ACAD11: variants seen among roughly 807,000 people sequenced by gnomAD.
ACAD11 encodes acyl-Coenzyme A dehydrogenase family, member 11.
In ACAD11, 83 loss-of-function variants were observed where a neutral mutation model predicts 102.2. The observed-to-expected ratio is 0.81, with a 90% CI of 0.68 to 0.97. ACAD11 has a LOEUF of 0.97. Among genes scored for constraint, ACAD11 ranks in the 50% least tolerant of loss-of-function variants. The pLI is 0.00. For missense variants in ACAD11, 901 were observed against 951.7 expected (o/e 0.95, Z 0.70); for synonymous variants, 324 against 319.8 (o/e 1.01, Z -0.14).
In ACAD11 at chr3:132,603,154, C is replaced by G. The variant is rs1411185075; in HGVS notation, c.1621+75G>C. The G allele has an allele frequency of 6.6e-6, 8 of 1,217,698 alleles. No homozygotes were observed. The Admixed American group carries it at 1.4e-4, about 21-fold the overall frequency. 75.4% of individuals were successfully genotyped at this position (1,217,698 alleles called of 1,614,324 possible). A position where few individuals can be genotyped will look rare whatever the true frequency, so the allele number is the denominator to read the frequency against. On this transcript the variant is annotated intron_variant, in intron 13 of 19. Coordinates refer to ENST00000264990, the MANE Select transcript of ACAD11 (RefSeq NM_032169.5). The stretch of plus-strand genomic sequence containing the variant: ...GATCATGAAACTGATCACTATGTAT[C>G]ATAGCAATATTCTAGCATAGCATCT...
At chr3:132,572,153 A>G (rs1231616302) in intron 17 of ACAD11, among the ~76,000 whole-genome samples, 1 of 152,212 alleles carries the variant, frequency 6.6e-6, no homozygotes, top group Non-Finnish European at 1.5e-5. Flanking sequence ...ACATTATTCT[A>G]TATCTAGAAA....
intron 1 of ACAD11, chr3:132,647,112 A>G (rs1259580600): frequency 1.3e-5 from 2 of 152,236 alleles, no homozygotes; most frequent in African/African-American, 4.8e-5. Context: ...AAAACAAACA[A>G]AAACAATTAA....
chr3:132,597,018 G>A (rs551587470), intron 13 of ACAD11, among the ~76,000 whole-genome samples: 1 of 152,154 alleles, frequency 6.6e-6, no homozygotes, highest in Non-Finnish European at 1.5e-5. Context: ...TCAGCAGTCA[G>A]TAGCTCAGCT....
At chr3:132,568,801 C>CAAAAAAAAAA (rs755568917) in intron 17 of ACAD11, among the ~76,000 whole-genome samples, 19 of 68,676 alleles carry the variant, frequency 2.8e-4, no homozygotes, top group South Asian at 9.5e-4. Flanking sequence ...CATCCACAGG[C>CAAAAAAAAAA]AAAAAAAAAA....
At chr3:132,607,042 G>A (rs1042464570) in intron 11 of ACAD11, among the ~76,000 whole-genome samples, 4 of 152,152 alleles carry the variant, frequency 2.6e-5, no homozygotes, top group South Asian at 2.1e-4. Flanking sequence ...CAGAGGGGCC[G>A]GACTCAGAAG....
intron 17 of ACAD11, among the ~76,000 whole-genome samples, chr3:132,561,969 T>TG (rs1937071554): frequency 6.6e-6 from 1 of 152,262 alleles, no homozygotes; most frequent in Admixed American, 6.5e-5. Flanking sequence ...TTAATGCCTT[T>TG]GAGTTTCATC....
rs1267551116 is a variant in ACAD11, at chr3:132,575,805, T to C, written c.1968A>G (p.Gln656=). The C allele has an allele frequency of 5.0e-6, 8 of 1,613,910 alleles. No individual in the cohort carries two copies. The Admixed American group carries it at 6.7e-5, about 13-fold the overall frequency. ...ACAACTTCTTCTTGAAAGCTATCCT[T>C]TGTGTTGCCCGCTCACACATGATCT... ...ALQIMCERAT[Q]RIAFKKKLYA... The change falls in exon 17 of 20, where the codon CAA becomes CAG. Residue 656 remains glutamine, a synonymous_variant. Transcript: ENST00000264990.
At chr3:132,571,560 C>T (rs548245402) in intron 17 of ACAD11, among the ~76,000 whole-genome samples, 44 of 152,204 alleles carry the variant, frequency 2.9e-4, no homozygotes, top group African/African-American at 1.1e-3. Context: ...GCATCTTCAT[C>T]ATGAAATCTT....
chr3:132,574,022 T>C (rs1937455824), intron 17 of ACAD11, among the ~76,000 whole-genome samples: 2 of 152,216 alleles, frequency 1.3e-5, no homozygotes, highest in Admixed American at 1.3e-4. Flanking sequence ...GTGAAAAGTT[T>C]CCAGTGAAAA....
At chr3:132,607,408 A>G (rs1235898390) in intron 11 of ACAD11, among the ~76,000 whole-genome samples, 1 of 152,164 alleles carries the variant, frequency 6.6e-6, no homozygotes, top group Non-Finnish European at 1.5e-5. Context: ...AACTAGAATA[A>G]CCAGTTTAGA....
chr3:132,608,111 G>T (rs2107831816), intron 11 of ACAD11, among the ~76,000 whole-genome samples: 1 of 152,214 alleles, frequency 6.6e-6, no homozygotes, highest in African/African-American at 2.4e-5. Flanking sequence ...TCTTACAACA[G>T]CTCCTGAAGG....
At chr3:132,614,480 T>C (rs752261017) in intron 11 of ACAD11, among the ~76,000 whole-genome samples, 4 of 152,174 alleles carry the variant, frequency 2.6e-5, no homozygotes, top group Non-Finnish European at 5.9e-5. Context: ...AATAGATATA[T>C]AGACCAATGG....
At position 132,575,852 on chromosome 3, in the gene ACAD11, C is replaced by T; in HGVS notation, c.1921G>A (p.Gly641Ser). ...GRIHHCMRTV[G>S]LAERALQIMC... Reference sequence around the variant, plus strand: ...ATCTGCAAAGCGCGTTCCGCCAAACCTACTGTTCTCATACAGTGGTGGATT... The same window carrying T: ...ATCTGCAAAGCGCGTTCCGCCAAACTTACTGTTCTCATACAGTGGTGGATT... The change falls in exon 17 of 20, where the codon GGT becomes AGT. Residue 641 changes from glycine (G) to serine (S), a missense_variant. Transcript: ENST00000264990. 6.2e-7 allele frequency: 1 copy of T among 1,614,102 alleles called. No homozygotes were observed. Among genetic ancestry groups the T allele is most frequent in the Non-Finnish European group, 8.5e-7 (1 of 1,179,996 alleles).
intron 7 of ACAD11, among the ~76,000 whole-genome samples, chr3:132,629,621 C>T (rs1420427718): frequency 6.6e-6 from 1 of 152,160 alleles, no homozygotes; most frequent in Non-Finnish European, 1.5e-5. Flanking sequence ...ATGATTAACT[C>T]AGGGTACAAG....
intron 11 of ACAD11, 135 bp downstream of exon 11, chr3:132,618,499 G>A (rs917616140): frequency 1.3e-6 from 1 of 793,828 alleles, no homozygotes; most frequent in Non-Finnish European, 1.8e-6. Context: ...TTAAATCAAA[G>A]TAACTGAAAA....
At chr3:132,632,393 C>T (rs1362911475) in intron 5 of ACAD11, among the ~76,000 whole-genome samples, 1 of 152,090 alleles carries the variant, frequency 6.6e-6, no homozygotes, top group African/African-American at 2.4e-5. Context: ...TTCTTTTGTT[C>T]ATTTCTTATG....
intron 9 of ACAD11, among the ~76,000 whole-genome samples, chr3:132,624,846 G>A (rs1189596657): frequency 6.6e-6 from 1 of 151,720 alleles, no homozygotes; most frequent in East Asian, 2.0e-4. Flanking sequence ...AGCACGCCGG[G>A]CTAATTTTTG....
At chr3:132,626,620 T>G (rs1170105694) in intron 9 of ACAD11, 71 bp downstream of exon 9, 1 of 1,551,198 alleles carries the variant, frequency 6.4e-7, no homozygotes. Context: ...GCTTCTCCTA[T>G]AAGCAGAAAT....
chr3:132,640,879 G>T (rs1389147779), intron 4 of ACAD11, among the ~76,000 whole-genome samples: 2 of 152,050 alleles, frequency 1.3e-5, no homozygotes, highest in African/African-American at 2.4e-5. Flanking sequence ...ACAAAGGAAA[G>T]CAGCCCCATA....
Sources: gnomAD v4.1 joint callset for allele counts (sites outside exome capture counted in the v4.1 genomes callset) on GRCh38, gnomAD v4.1.1 for gene constraint, MANE v1.5 for transcripts, NCBI Gene and HGNC (gene_info 2026-07-23, HGNC 2026-07-21) for gene names.